Variants in PAIP2 observed in about 807,000 individuals in gnomAD.
The protein encoded by PAIP2 is poly(A) binding protein interacting protein 2, also known as polyadenylate-binding protein-interacting protein 2.
In PAIP2, 7 loss-of-function variants were observed where a neutral mutation model predicts 14.8. The ratio of observed to expected loss-of-function variants is 0.47; its 90% CI spans 0.27 to 0.89. The LOEUF (loss-of-function observed/expected upper bound fraction) is 0.89. Ranked by LOEUF, PAIP2 falls within the 40% of genes least tolerant of loss-of-function variation. The probability of loss-of-function intolerance (pLI) is 0.13; values close to 1 mark genes in which losing one functional copy is unlikely to be tolerated. For synonymous variants in PAIP2, 47 were observed against 45.3 expected, an observed-to-expected ratio of 1.04 and a Z score of -0.15; for missense variants, 122 against 154.7, an observed-to-expected ratio of 0.79 and a Z score of 1.12.
intron 1 of PAIP2, among the ~76,000 whole-genome samples, chr5:139,348,471 C>T (rs542008384): frequency 6.6e-6 from 1 of 151,878 alleles, no homozygotes; most frequent in Non-Finnish European, 1.5e-5. Flanking sequence ...TTTCCTGCCT[C>T]GGCCTCCTGA....
At position 139,359,386 on chromosome 5, in the gene PAIP2, G is replaced by A. The variant is rs1237630249; in HGVS notation, c.-26-4373G>A. Among the ~76,000 whole-genome samples the A allele has an allele frequency of 5.9e-5, 9 of 152,022 alleles. No individual in the cohort carries two copies. The East Asian group carries it at 9.7e-4, about 16-fold the overall frequency. ...ACTCCTGACCTCAAGTGATCTGCCCGCCTCAGCCTCCCAAAGTGCTCGGAT... is the reference window on the plus strand; with the variant it reads ...ACTCCTGACCTCAAGTGATCTGCCCACCTCAGCCTCCCAAAGTGCTCGGAT... On this transcript the variant is annotated intron_variant, in intron 1 of 3. Coordinates refer to ENST00000265192, the MANE Select transcript of PAIP2 (RefSeq NM_016480.5).
chr5:139,368,676 G>T, intron 3 of PAIP2, 57 bp from the exon 4 acceptor site: 2 of 1,141,904 alleles, frequency 1.8e-6, no homozygotes, highest in East Asian at 2.4e-5. Flanking sequence ...GATCTAGATT[G>T]AATTAGTACC....
At chr5:139,354,775 A>G (rs866466020) in intron 1 of PAIP2, among the ~76,000 whole-genome samples, 1 of 150,190 alleles carries the variant, frequency 6.7e-6, no homozygotes, top group African/African-American at 2.4e-5. Context: ...CTCTCTGCTC[A>G]TATCTGCTGT....
chr5:139,352,218 A>G (rs1480903202), intron 1 of PAIP2, among the ~76,000 whole-genome samples: 3 of 125,460 alleles, frequency 2.4e-5, no homozygotes. Context: ...ATTTTGGATA[A>G]TCACATTTAT....
chr5:139,367,342 A>G (rs1757311543), intron 3 of PAIP2: 1 of 152,170 alleles, frequency 6.6e-6, no homozygotes, highest in South Asian at 2.1e-4. Context: ...CTTGCAGTCT[A>G]AAATATCACA....
At chr5:139,363,236 A>G (rs1757124337) in intron 1 of PAIP2, among the ~76,000 whole-genome samples, 1 of 151,798 alleles carries the variant, frequency 6.6e-6, no homozygotes, top group Non-Finnish European at 1.5e-5. Flanking sequence ...GTGAAACTCT[A>G]TCTCAAAAAA....
At chr5:139,355,808 G>T (rs1756891790) in intron 1 of PAIP2, among the ~76,000 whole-genome samples, 1 of 151,982 alleles carries the variant, frequency 6.6e-6, no homozygotes, top group African/African-American at 2.4e-5. Flanking sequence ...AGTGAGCCAA[G>T]ATCAAGCCAC....
chr5:139,358,042 A>G (rs1438901511), intron 1 of PAIP2, among the ~76,000 whole-genome samples: 1 of 151,658 alleles, frequency 6.6e-6, no homozygotes. Flanking sequence ...TCTTTTTAGT[A>G]GTTCTGTAGA....
In PAIP2 at chr5:139,368,807, G is replaced by A; in HGVS notation, c.*9G>A. 6.2e-7 allele frequency: 1 copy of A among 1,602,388 alleles called. No individual in the cohort carries two copies. Among genetic ancestry groups the A allele is most frequent in the Middle Eastern group, 1.7e-4 (1 of 6,046 alleles). On this transcript the variant is annotated 3_prime_UTR_variant, in exon 4 of 4. Coordinates refer to ENST00000265192, the MANE Select transcript of PAIP2 (RefSeq NM_016480.5). ...AGTACGGAAATATTTGAGTAGACGG[G>A]GCCCTCTTTTGGTGGATGTAGCACA...
intron 1 of PAIP2, among the ~76,000 whole-genome samples, chr5:139,355,034 G>A (rs1756866122): frequency 6.6e-6 from 1 of 151,982 alleles, no homozygotes; most frequent in East Asian, 1.9e-4. Context: ...TGGCCAGGCT[G>A]GTCTTGAACT....
chr5:139,367,941 C>G (rs1489669466), intron 3 of PAIP2, among the ~76,000 whole-genome samples: 1 of 152,218 alleles, frequency 6.6e-6, no homozygotes, highest in African/African-American at 2.4e-5. Context: ...CAGTGGCTCA[C>G]GCCTGTAGTC....
At chr5:139,350,097 C>G (rs1392435339) in intron 1 of PAIP2, among the ~76,000 whole-genome samples, 1 of 151,570 alleles carries the variant, frequency 6.6e-6, no homozygotes, top group South Asian at 2.1e-4. Flanking sequence ...ATTGCTTGAA[C>G]CCTGGAGGCA....
At chr5:139,368,599 G>T (rs1474158076) in intron 3 of PAIP2, 134 bp from the exon 4 acceptor site, 3 of 627,758 alleles carry the variant, frequency 4.8e-6, no homozygotes, top group Non-Finnish European at 8.6e-6. Context: ...TCCTTTTTGG[G>T]GTTTAGTATA....
intron 1 of PAIP2, among the ~76,000 whole-genome samples, chr5:139,343,716 T>G (rs531092128): frequency 4.7e-5 from 7 of 148,690 alleles, no homozygotes; most frequent in Non-Finnish European, 9.0e-5. Context: ...AAGTTTTTTT[T>G]TTTTTTTTTT....
intron 1 of PAIP2, among the ~76,000 whole-genome samples, chr5:139,358,730 A>T (rs1306631377): frequency 1.3e-5 from 2 of 152,366 alleles, no homozygotes; most frequent in South Asian, 4.1e-4. Context: ...CCTTGAAAAC[A>T]TTGTAATAAG....
Position 139,367,972 on chromosome 5 carries a change from G to C in PAIP2, c.319-761G>C, listed in dbSNP as rs145937119. On this transcript the variant is annotated intron_variant, in intron 3 of 3. Transcript: ENST00000265192. ...TAGTCCCAGCATTTTAGGAGGCCGA[G>C]GCAGGCAGATCACGAGGTCAGATCA... 3.0e-3 allele frequency among the ~76,000 whole-genome samples: 462 copies of C among 152,242 alleles called. 2 individuals are homozygous for C. Among genetic ancestry groups the C allele is most frequent in the Middle Eastern group, 6.8e-3 (2 of 294 alleles).
chr5:139,364,512 C>T (rs1184346701), intron 2 of PAIP2, 52 bp from the exon 3 acceptor site: 1 of 1,081,094 alleles, frequency 9.2e-7, no homozygotes, highest in Non-Finnish European at 1.4e-6. Context: ...TTAAGCCATT[C>T]CTAGTGATAT....
In PAIP2 at chr5:139,363,780, C is replaced by T. The variant is rs771664296; in HGVS notation, c.-5C>T. On this transcript the variant is annotated 5_prime_UTR_variant, in exon 2 of 4. Coordinates refer to ENST00000265192, the MANE Select transcript of PAIP2 (RefSeq NM_016480.5). ...TAAGGTTAAAAACGACAACCAACAT[C>T]AGCCATGAAAGATCCAAGTCGCAGC... is the stretch of plus-strand genomic sequence containing the variant. The T allele has an allele frequency of 6.2e-7, 1 of 1,612,588 alleles. No individual in the cohort carries two copies. Among genetic ancestry groups the T allele is most frequent in the Middle Eastern group, 1.7e-4 (1 of 6,052 alleles).
At chr5:139,342,389 G>C (rs1561954512) in intron 1 of PAIP2, 1 of 151,946 alleles carries the variant, frequency 6.6e-6, no homozygotes, top group Non-Finnish European at 1.5e-5. Flanking sequence ...CTTTACGCCT[G>C]CGCGTCGCCA....
Sources: gnomAD v4.1 joint callset for allele counts (sites outside exome capture counted in the v4.1 genomes callset) on GRCh38, gnomAD v4.1.1 for gene constraint, MANE v1.5 for transcripts, NCBI Gene and HGNC (gene_info 2026-07-23, HGNC 2026-07-21) for gene names.